Variants in PCDH9 observed in about 807,000 individuals in gnomAD.
The protein encoded by PCDH9 is protocadherin-9.
A neutral mutation model predicts 70.6 loss-of-function variants in PCDH9; 24 were observed. That is an observed-to-expected ratio of 0.34 (90% CI 0.25 to 0.48). The LOEUF (loss-of-function observed/expected upper bound fraction) is 0.48, where lower values mean the gene tolerates loss of function less well. Among genes scored for constraint, PCDH9 ranks in the 20% least tolerant of loss-of-function variants. PCDH9 has a pLI of 0.99. For synonymous variants in PCDH9, 562 were observed against 558.5 expected (o/e 1.01, Z -0.09); for missense variants, 1,281 against 1,503.6 (o/e 0.85, Z 2.45).
chr13:67,027,038 T>C (rs1390788307), intron 2 of PCDH9, among the ~76,000 whole-genome samples: 2 of 151,616 alleles, frequency 1.3e-5, no homozygotes, highest in Non-Finnish European at 2.9e-5. Flanking sequence ...TACCAATGAG[T>C]TTCTTCACAG....
intron 4 of PCDH9, among the ~76,000 whole-genome samples, chr13:66,589,272 G>A (rs960251554): frequency 3.3e-5 from 5 of 151,952 alleles, no homozygotes; most frequent in East Asian, 1.9e-4. Context: ...CAATTACAAC[G>A]AAATTGTCAG....
At chr13:66,325,795 T>G (rs1315903520) in intron 4 of PCDH9, among the ~76,000 whole-genome samples, 1 of 150,904 alleles carries the variant, frequency 6.6e-6, no homozygotes, top group Non-Finnish European at 1.5e-5. Flanking sequence ...TACAAGTACT[T>G]TCAAATGATA....
intron 3 of PCDH9, among the ~76,000 whole-genome samples, chr13:66,665,624 TTG>T (rs1184601212): frequency 6.6e-6 from 1 of 152,180 alleles, no homozygotes; most frequent in Admixed American, 6.5e-5. Context: ...TTTGCCTATG[TTG>T]TTATTTTGTA....
chr13:66,799,978 G>T (rs976665811), intron 3 of PCDH9, among the ~76,000 whole-genome samples: 2 of 152,134 alleles, frequency 1.3e-5, no homozygotes, highest in African/African-American at 2.4e-5. Context: ...TTCTCTACCT[G>T]CTTCCCTTCT....
chr13:67,137,213 T>C (rs9571716), intron 2 of PCDH9, among the ~76,000 whole-genome samples: 1 of 151,934 alleles, frequency 6.6e-6, no homozygotes, highest in Non-Finnish European at 1.5e-5. Flanking sequence ...TCTAATCATT[T>C]TGTTCGGTAA....
At chr13:66,842,108 A>G (rs9564354) in intron 3 of PCDH9, among the ~76,000 whole-genome samples, 30,821 of 152,098 alleles carry the variant, frequency 0.2, 3,235 homozygotes, top group South Asian at 0.26. Flanking sequence ...GGCACACAAT[A>G]TGATACTTTA....
intron 2 of PCDH9, among the ~76,000 whole-genome samples, chr13:66,947,046 T>G (rs921434257): frequency 6.6e-6 from 1 of 152,158 alleles, no homozygotes; most frequent in African/African-American, 2.4e-5. Context: ...TGGATTGACT[T>G]TAGTGCATAA....
chr13:66,646,969 T>C (rs2077779636), intron 3 of PCDH9, among the ~76,000 whole-genome samples: 1 of 152,102 alleles, frequency 6.6e-6, no homozygotes, highest in Non-Finnish European at 1.5e-5. Flanking sequence ...AAAGCAACAC[T>C]GGGCAGAACT....
chr13:66,899,840 C>G (rs1298859068), intron 3 of PCDH9, among the ~76,000 whole-genome samples: 2 of 151,952 alleles, frequency 1.3e-5, no homozygotes, highest in Non-Finnish European at 2.9e-5. Flanking sequence ...GGAGAGAAAA[C>G]TTAAACATGA....
rs1193125342 is a variant in PCDH9, at chr13:66,730,663, A to G, written c.3139-99252T>C. 6.0e-5 allele frequency among the ~76,000 whole-genome samples: 9 copies of G among 150,886 alleles called. No homozygotes were observed. The Admixed American group carries it at 6.0e-4, about 10-fold the overall frequency. ...ACATAATGACTGACATAACAGGTGC[A>G]CATATAATATATATTTCCTTTTTTT... On this transcript the variant is annotated intron_variant, in intron 3 of 4. Coordinates refer to ENST00000377865, the MANE Select transcript of PCDH9 (RefSeq NM_203487.3).
intron 2 of PCDH9, among the ~76,000 whole-genome samples, chr13:67,172,616 G>A (rs1475795082): frequency 1.3e-5 from 2 of 152,038 alleles, no homozygotes; most frequent in Non-Finnish European, 2.9e-5. Flanking sequence ...GGTGGCTCAT[G>A]CCTGTAATCC....
chr13:66,631,186 A>C, intron 4 of PCDH9, 24 bp downstream of exon 4: 1 of 1,260,188 alleles, frequency 7.9e-7, no homozygotes, highest in Non-Finnish European at 1.2e-6. Flanking sequence ...ACTCCAAGCA[A>C]TCAAAATTTT....
rs966194114 is a variant in PCDH9, at chr13:66,760,402, G to A, written c.3139-128991C>T. 8.5e-5 allele frequency among the ~76,000 whole-genome samples: 13 copies of A among 152,198 alleles called. 1 individual carries two copies. The Middle Eastern group carries it at 0.01, about 119-fold the overall frequency. On this transcript the variant is annotated intron_variant, in intron 3 of 4. Coordinates refer to ENST00000377865, the MANE Select transcript of PCDH9 (RefSeq NM_203487.3). ...GTCAGGGACCCCAAACAGAGGGACC[G>A]GCTGAAGCTATGGCAGAAGAACATA...
intron 4 of PCDH9, among the ~76,000 whole-genome samples, chr13:66,436,521 TA>T (rs963860928): frequency 2.0e-5 from 3 of 151,856 alleles, no homozygotes; most frequent in Non-Finnish European, 2.9e-5. Context: ...TATTTTTAGT[TA>T]AAAAAAATAA....
intron 4 of PCDH9, among the ~76,000 whole-genome samples, chr13:66,444,393 CTT>C (rs919680787): frequency 6.6e-6 from 1 of 152,072 alleles, no homozygotes; most frequent in Non-Finnish European, 1.5e-5. Context: ...CCATGACTAA[CTT>C]TTACATAGTG....
intron 3 of PCDH9, among the ~76,000 whole-genome samples, chr13:66,632,294 C>T (rs551365383): frequency 1.1e-4 from 16 of 152,194 alleles, no homozygotes; most frequent in Non-Finnish European, 2.1e-4. Flanking sequence ...TCAGGATCGA[C>T]TGACTGAACT....
chr13:66,835,328 G>A (rs893736692), intron 3 of PCDH9, among the ~76,000 whole-genome samples: 2 of 152,192 alleles, frequency 1.3e-5, no homozygotes, highest in Non-Finnish European at 2.9e-5. Context: ...TCGGCTCTTG[G>A]CAAAGCTCCA....
intron 2 of PCDH9, among the ~76,000 whole-genome samples, chr13:66,988,002 T>C (rs1343088769): frequency 6.6e-6 from 1 of 151,862 alleles, no homozygotes; most frequent in Non-Finnish European, 1.5e-5. Flanking sequence ...TGGGCTCAAG[T>C]GATCCTCCTG....
At chr13:66,861,305 T>C (rs1339416015) in intron 3 of PCDH9, among the ~76,000 whole-genome samples, 1 of 152,166 alleles carries the variant, frequency 6.6e-6, no homozygotes, top group Non-Finnish European at 1.5e-5. Flanking sequence ...AAATCAGAAC[T>C]TGGAAGGAAG....
Sources: allele counts gnomAD v4.1 joint callset (sites outside exome capture counted in the v4.1 genomes callset), GRCh38; gene constraint gnomAD v4.1.1; transcripts MANE v1.5; gene names NCBI Gene and HGNC (gene_info 2026-07-23, HGNC 2026-07-21).